AGAP1: variants seen among roughly 807,000 people sequenced by gnomAD.
AGAP1 encodes the protein arf-GAP with GTPase, ANK repeat and PH domain-containing protein 1.
AGAP1 carries 29 observed loss-of-function variants against 105.3 expected under a neutral mutation model. That is an observed-to-expected ratio of 0.28 (90% confidence interval 0.21 to 0.38). AGAP1 has a LOEUF of 0.38. Among genes scored for constraint, AGAP1 ranks in the 10% least tolerant of loss-of-function variants. AGAP1 has a pLI of 1.00. For missense variants in AGAP1, 998 were observed against 1,165.1 expected (o/e 0.86, Z 2.09); for synonymous variants, 509 against 485.9 (o/e 1.05, Z -0.63).
intron 13 of AGAP1, among the ~76,000 whole-genome samples, chr2:236,033,404 C>T (rs778575290): frequency 6.6e-6 from 1 of 152,168 alleles, no homozygotes; most frequent in Non-Finnish European, 1.5e-5. Flanking sequence ...AATTTGTTTA[C>T]ATAATTAATC....
At position 235,623,640 on chromosome 2, in the gene AGAP1, G is replaced by A. The variant is rs143932513; in HGVS notation, c.164-85539G>A. On this transcript the variant is annotated intron_variant, in intron 1 of 17. Coordinates refer to ENST00000304032, the MANE Select transcript of AGAP1 (RefSeq NM_001037131.3). The surrounding 1 kb of genome is among the most constrained non-coding windows in gnomAD (Gnocchi z 4.5). Reference sequence around the variant, plus strand: ...GCATGGTAGGTTAGGGTGCTGTGTTGCAGGTCTGTGATGCAGTTGCCATAT... The same window carrying A: ...GCATGGTAGGTTAGGGTGCTGTGTTACAGGTCTGTGATGCAGTTGCCATAT... 1.3e-5 allele frequency among the ~76,000 whole-genome samples: 2 copies of A among 152,250 alleles called. No individual in the cohort carries two copies. Among genetic ancestry groups the A allele is most frequent in the Non-Finnish European group, 2.9e-5 (2 of 68,018 alleles).
intron 9 of AGAP1, among the ~76,000 whole-genome samples, chr2:235,831,912 A>G (rs552661549): frequency 5.9e-5 from 9 of 152,316 alleles, no homozygotes; most frequent in Middle Eastern, 3.4e-3. Context: ...TAGCTGTACC[A>G]CTTTTTATTT....
intron 16 of AGAP1, among the ~76,000 whole-genome samples, chr2:236,052,156 TTCTC>T (rs1019395805): frequency 3.9e-4 from 60 of 152,284 alleles, no homozygotes; most frequent in African/African-American, 1.4e-3. Flanking sequence ...TAATAAATTT[TTCTC>T]TCTATCAAAG....
At chr2:235,939,742 CCTCT>C (rs2053168964) in intron 12 of AGAP1, among the ~76,000 whole-genome samples, 1 of 152,114 alleles carries the variant, frequency 6.6e-6, no homozygotes, top group Non-Finnish European at 1.5e-5. Context: ...TGCTTGAAAC[CCTCT>C]CTCCTCTGGG....
intron 9 of AGAP1, among the ~76,000 whole-genome samples, chr2:235,822,345 A>G (rs1454331343): frequency 6.6e-6 from 1 of 152,208 alleles, no homozygotes; most frequent in Admixed American, 6.5e-5. Flanking sequence ...CTTAAAGAAG[A>G]CCTGGGGAAA....
At chr2:235,658,633 G>T (rs535328856) in intron 1 of AGAP1, among the ~76,000 whole-genome samples, 2 of 152,158 alleles carry the variant, frequency 1.3e-5, no homozygotes, top group African/African-American at 2.4e-5. Flanking sequence ...AGTGGACAGG[G>T]CTGGGCTTCC....
chr2:236,084,166 G>T (rs1326632276), intron 16 of AGAP1, among the ~76,000 whole-genome samples: 2 of 151,710 alleles, frequency 1.3e-5, no homozygotes, highest in Non-Finnish European at 2.9e-5. Flanking sequence ...GGGCTGGGAG[G>T]CCCCGGTGGG....
At chr2:235,933,039 A>G (rs1026300490) in intron 12 of AGAP1, among the ~76,000 whole-genome samples, 4 of 150,626 alleles carry the variant, frequency 2.7e-5, no homozygotes, top group African/African-American at 1.0e-4. Context: ...AACATAGAAG[A>G]TAAGAAACAA....
intron 1 of AGAP1, among the ~76,000 whole-genome samples, chr2:235,527,052 G>T (rs560622263): frequency 2.0e-5 from 3 of 152,330 alleles, no homozygotes; most frequent in South Asian, 4.2e-4. Flanking sequence ...TCAAGCAAAA[G>T]TGAAACAGTA....
At position 235,936,036 on chromosome 2, in the gene AGAP1, G is replaced by T. The variant is rs952041071; in HGVS notation, c.1483+5113G>T. On this transcript the variant is annotated intron_variant, in intron 12 of 17. Coordinates refer to ENST00000304032, the MANE Select transcript of AGAP1 (RefSeq NM_001037131.3). This position sits in a 1 kb window ranked among gnomAD's most constrained non-coding sequence, Gnocchi z 4.7. ...TCGTCGGGTGGTCTCAGCTAATGCT[G>T]TTGCCATGGCAGCCTCGCTCCCCCA... Among the ~76,000 whole-genome samples, 1 of 152,192 alleles carries T rather than the reference G, an allele frequency of 6.6e-6. No individual in the cohort carries two copies. Among genetic ancestry groups the T allele is most frequent in the Non-Finnish European group, 1.5e-5 (1 of 68,024 alleles).
chr2:235,792,187 C>T lies in AGAP1; in HGVS notation c.674-5572C>T, dbSNP rs1354331137. Among the ~76,000 whole-genome samples, 3 of 152,156 alleles carry T rather than the reference C, an allele frequency of 2.0e-5. No individual in the cohort carries two copies. Among genetic ancestry groups the T allele is most frequent in the Admixed American group, 6.5e-5 (1 of 15,274 alleles). On this transcript the variant is annotated intron_variant, in intron 6 of 17. Transcript: ENST00000304032. The surrounding 1 kb of genome is among the most constrained non-coding windows in gnomAD (Gnocchi z 5.3). ...TCCCAAACGTGGGCTTGATTTACAC[C>T]GAGTCATTAGTTGTCATCTAATGGT...
At chr2:235,841,937 C>T (rs767565430) in intron 9 of AGAP1, among the ~76,000 whole-genome samples, 4 of 152,326 alleles carry the variant, frequency 2.6e-5, no homozygotes, top group Middle Eastern at 3.4e-3. Context: ...CTTCCCTACA[C>T]GCTCATTAGT....
At chr2:235,954,239 C>CAA (rs34138034) in intron 12 of AGAP1, among the ~76,000 whole-genome samples, 2 of 128,154 alleles carry the variant, frequency 1.6e-5, no homozygotes. Flanking sequence ...ACTCTGCCTC[C>CAA]AAAAAAAAAA....
At chr2:235,940,542 C>T (rs2053211493) in intron 12 of AGAP1, among the ~76,000 whole-genome samples, 2 of 152,210 alleles carry the variant, frequency 1.3e-5, no homozygotes, top group Non-Finnish European at 2.9e-5. Flanking sequence ...CAGGCTTCCG[C>T]CCAGACGTCA....
chr2:235,745,144 A>G (rs889449472), intron 5 of AGAP1, among the ~76,000 whole-genome samples: 1 of 152,208 alleles, frequency 6.6e-6, no homozygotes, highest in Non-Finnish European at 1.5e-5. Context: ...TGTTTTGTAT[A>G]TATATAGTCA....
At position 236,124,165 on chromosome 2, in the gene AGAP1, A is replaced by C. The variant is rs2125987326; in HGVS notation, c.*43A>C. On this transcript the variant is annotated 3_prime_UTR_variant, in exon 18 of 18. Coordinates refer to ENST00000304032, the MANE Select transcript of AGAP1 (RefSeq NM_001037131.3). This position sits in a 1 kb window ranked among gnomAD's most constrained non-coding sequence, Gnocchi z 5.1. ...CTGCTCGCCGCACCTGGGACGCGGC[A>C]GCCTCGCCGCATTCTCGCTCAGAAG... The C allele has an allele frequency of 1.3e-6, 2 of 1,597,730 alleles. No individual in the cohort carries two copies. The highest frequency in any genetic ancestry group is 2.3e-5 in the East Asian group (1 of 44,372).
At chr2:235,650,076 A>C (rs750819486) in intron 1 of AGAP1, among the ~76,000 whole-genome samples, 2 of 152,176 alleles carry the variant, frequency 1.3e-5, no homozygotes, top group Admixed American at 6.5e-5. Context: ...GAATTGATTA[A>C]ACCAGCTAGG....
chr2:235,699,017 G>T (rs1018880037), intron 1 of AGAP1, among the ~76,000 whole-genome samples: 4 of 152,092 alleles, frequency 2.6e-5, no homozygotes, highest in African/African-American at 7.2e-5. Context: ...CCTGTGGCTG[G>T]TTGGTGGTGT....
At chr2:235,634,117 G>A (rs1042162051) in intron 1 of AGAP1, among the ~76,000 whole-genome samples, 1 of 152,194 alleles carries the variant, frequency 6.6e-6, no homozygotes. Flanking sequence ...GAGGCTTTAC[G>A]GCAAGTTGTG....
Sources: allele counts gnomAD v4.1 joint callset (sites outside exome capture counted in the v4.1 genomes callset), GRCh38; gene constraint gnomAD v4.1.1; non-coding constraint Gnocchi (gnomAD v3.1); transcripts MANE v1.5; gene names NCBI Gene and HGNC (gene_info 2026-07-23, HGNC 2026-07-21).